Variants in TENM3 observed in about 807,000 individuals in gnomAD.
TENM3 encodes teneurin-3.
Under a neutral mutation model 255.1 loss-of-function variants are expected in TENM3, and 63 were observed. The observed-to-expected ratio is 0.25, with a 90% CI of 0.20 to 0.30. The LOEUF (loss-of-function observed/expected upper bound fraction) is 0.30, where lower values mean the gene tolerates loss of function less well. TENM3 is among the 10% of genes least tolerant of loss of function. The pLI is 1.00. For missense variants in TENM3, 2,929 were observed against 3,461.1 expected (o/e 0.85, Z 3.86); for synonymous variants, 1,306 against 1,322.3 (o/e 0.99, Z 0.27).
the TENM3 span, chr4:181,874,674 G>A: frequency 1.3e-5 from 2 of 152,274 alleles, no homozygotes; most frequent in African/African-American, 4.8e-5. Flanking sequence ...GACCCACAGA[G>A]ACTCCACACA....
the TENM3 span, among the ~76,000 whole-genome samples, chr4:181,749,527 A>C: frequency 6.6e-6 from 1 of 152,176 alleles, no homozygotes; most frequent in African/African-American, 2.4e-5. Context: ...AAAATGTTTG[A>C]GGGCAAGTAT....
At chr4:181,968,992 C>CTCTATATATA in the TENM3 span, among the ~76,000 whole-genome samples, 5 of 116,102 alleles carry the variant, frequency 4.3e-5, no homozygotes, top group South Asian at 1.5e-3. Context: ...CTCTCTCTCT[C>CTCTATATATA]TATATACATA....
intron 22 of TENM3, among the ~76,000 whole-genome samples, chr4:182,759,382 A>G (rs1419607845): frequency 2.0e-5 from 3 of 152,344 alleles, no homozygotes; most frequent in Admixed American, 1.3e-4. Context: ...GCATTTGCCA[A>G]CGCTCCACTG....
chr4:181,467,125 A>ATTTTTTTT, the TENM3 span, among the ~76,000 whole-genome samples: 7 of 17,604 alleles, frequency 4.0e-4, no homozygotes, highest in Admixed American at 6.3e-4. Context: ...ATATATATAT[A>ATTTTTTTT]TTTTTTTTTT....
At chr4:182,190,035 A>G (rs1753413138) in intron 1 of TENM3, among the ~76,000 whole-genome samples, 1 of 152,210 alleles carries the variant, frequency 6.6e-6, no homozygotes, top group Admixed American at 6.5e-5. Context: ...ATGACTAATG[A>G]GATGGGAAGA....
At chr4:181,977,915 A>C in the TENM3 span, among the ~76,000 whole-genome samples, 1 of 152,262 alleles carries the variant, frequency 6.6e-6, no homozygotes, top group Non-Finnish European at 1.5e-5. Flanking sequence ...GACTGAAAGT[A>C]AGAACAATCA....
chr4:182,764,997 TGA>T (rs1205278000), intron 22 of TENM3, among the ~76,000 whole-genome samples: 2 of 152,154 alleles, frequency 1.3e-5, no homozygotes, highest in Non-Finnish European at 2.9e-5. Context: ...GGATCAAGGA[TGA>T]GTTTCCTTTT....
chr4:182,356,425 T>C (rs570725498), intron 3 of TENM3, among the ~76,000 whole-genome samples: 1 of 152,250 alleles, frequency 6.6e-6, no homozygotes, highest in African/African-American at 2.4e-5. Context: ...AAACCTTAAA[T>C]GTGGCACCAG....
chr4:182,293,959 G>A (rs1037265005), intron 1 of TENM3, among the ~76,000 whole-genome samples: 28 of 152,170 alleles, frequency 1.8e-4, no homozygotes, highest in African/African-American at 5.3e-4. Context: ...ACAATTAGTG[G>A]CATGTGTGGG....
intron 1 of TENM3, among the ~76,000 whole-genome samples, chr4:182,196,950 T>A (rs1215247643): frequency 6.6e-6 from 1 of 152,136 alleles, no homozygotes; most frequent in Non-Finnish European, 1.5e-5. Context: ...TCTTCTCGGA[T>A]GCCAAGGAGC....
chr4:182,188,452 A>T (rs1753306250), intron 1 of TENM3, among the ~76,000 whole-genome samples: 3 of 152,154 alleles, frequency 2.0e-5, no homozygotes. Context: ...AATCTCGTGC[A>T]TGTCTGTCAC....
chr4:181,782,980 G>T, the TENM3 span, among the ~76,000 whole-genome samples: 5 of 152,198 alleles, frequency 3.3e-5, no homozygotes, highest in African/African-American at 1.2e-4. Context: ...ACTGTGGTCT[G>T]AGAGACAGTT....
At chr4:182,534,957 C>A (rs926302840) in intron 3 of TENM3, among the ~76,000 whole-genome samples, 2 of 152,200 alleles carry the variant, frequency 1.3e-5, no homozygotes, top group African/African-American at 4.8e-5. Flanking sequence ...CTTGTCCAAG[C>A]AAGCTGAAAC....
chr4:181,732,324 C>T, the TENM3 span, among the ~76,000 whole-genome samples: 1 of 152,172 alleles, frequency 6.6e-6, no homozygotes, highest in African/African-American at 2.4e-5. Flanking sequence ...AACAGTTTCA[C>T]CCACTTCAAT....
chr4:181,934,730 G>A, the TENM3 span, among the ~76,000 whole-genome samples: 21 of 151,918 alleles, frequency 1.4e-4, no homozygotes, highest in African/African-American at 4.6e-4. Context: ...GAAAGAATGT[G>A]GTGTCTAATG....
chr4:181,787,458 C>G, the TENM3 span, among the ~76,000 whole-genome samples: 1 of 152,052 alleles, frequency 6.6e-6, no homozygotes, highest in Non-Finnish European at 1.5e-5. Flanking sequence ...CCTGCTCAGC[C>G]TACTGAGTAG....
the TENM3 span, among the ~76,000 whole-genome samples, chr4:181,466,682 A>G: frequency 6.6e-6 from 1 of 152,152 alleles, no homozygotes. Context: ...TCTAGTTTAC[A>G]CATTTCATAT....
At chr4:182,113,555 A>G in the TENM3 span, among the ~76,000 whole-genome samples, 2 of 152,194 alleles carry the variant, frequency 1.3e-5, no homozygotes, top group Admixed American at 6.5e-5. Context: ...AAAATGTTAG[A>G]TTATTTTCAA....
intron 3 of TENM3, among the ~76,000 whole-genome samples, chr4:182,437,325 A>C (rs1772122421): frequency 1.3e-5 from 2 of 152,118 alleles, no homozygotes; most frequent in African/African-American, 4.8e-5. Context: ...AGAAAGGGAA[A>C]AACCTTAAGA....
Sources: allele counts gnomAD v4.1 joint callset (sites outside exome capture counted in the v4.1 genomes callset), GRCh38; gene constraint gnomAD v4.1.1; transcripts MANE v1.5; gene names NCBI Gene and HGNC (gene_info 2026-07-23, HGNC 2026-07-21).